Variants in PKD1 observed in about 807,000 individuals in gnomAD.
The protein encoded by PKD1 is polycystin-1.
In PKD1, 81 loss-of-function variants were observed where a neutral mutation model predicts 361.7. That is an observed-to-expected ratio of 0.22 (90% CI 0.19 to 0.27). The LOEUF is 0.27. PKD1 is among the 10% of genes least tolerant of loss of function. The pLI is 1.00. For missense variants in PKD1, 6,399 were observed against 6,118.3 expected, an observed-to-expected ratio of 1.05 and a Z score of -1.53; for synonymous variants, 3,615 against 2,818.3, an observed-to-expected ratio of 1.28 and a Z score of -8.95.
intron 8 of PKD1, 176 bp from the exon 9 acceptor site, chr16:2,116,294 G>C: frequency 2.7e-6 from 2 of 728,872 alleles, no homozygotes; most frequent in Non-Finnish European, 4.8e-6. Context: ...TCCATGGGGG[G>C]CAGGACCCCT....
Position 2,109,421 on chromosome 16 carries a change from C to G in PKD1, c.5746G>C (p.Ala1916Pro), listed in dbSNP as rs773527738. Residue 1916 changes from alanine to proline, a missense_variant, in exon 15 of 46, where the codon GCT (alanine) becomes CCT (proline). Physicochemically the swap from Ala to Pro is conservative, Grantham distance 27. Transcript: ENST00000262304. Reference sequence around the variant, plus strand: ...CCGACCTGCAGGCGGAAGGTGACAGCTGAGCCGGCAGCCAGCAGGATCTGA... The same window carrying G: ...CCGACCTGCAGGCGGAAGGTGACAGGTGAGCCGGCAGCCAGCAGGATCTGA... ...HFQILLAAGS[A>P]VTFRLQVGGA... is the part of the protein sequence containing the mutation. 39 of 1,602,716 alleles carry G rather than the reference C, an allele frequency of 2.4e-5. No homozygotes were observed. The highest frequency in any genetic ancestry group is 3.0e-5 in the Non-Finnish European group (35 of 1,179,208).
rs1456144463 is a variant in PKD1 at position 2,091,474 on chromosome 16, G to A, written c.11661C>T (p.Pro3887=). The part of the protein sequence containing the change: ...GRALAALSVR[P]FALRRLSAGL... The stretch of plus-strand genomic sequence containing the variant: ...CCGCGCTGAGGCGGCGCAGCGCAAA[G>A]GGGCGGACGCTGAGGGCGGCCAGGG... The change falls in exon 42 of 46, where the codon CCC becomes CCT. Residue 3887 remains proline, a synonymous_variant. Transcript: ENST00000262304. The A allele has an allele frequency of 3.3e-5, 45 of 1,344,874 alleles. No homozygotes were observed. The highest frequency in any genetic ancestry group is 3.9e-5 in the Non-Finnish European group (41 of 1,053,440). 83.3% of individuals were successfully genotyped at this position (1,344,874 alleles called of 1,614,324 possible). A position where few individuals can be genotyped will look rare whatever the true frequency, so the allele number is the denominator to read the frequency against.
intron 1 of PKD1, among the ~76,000 whole-genome samples, chr16:2,130,925 C>A (rs2092867833): frequency 6.6e-6 from 1 of 152,178 alleles, no homozygotes; most frequent in Non-Finnish European, 1.5e-5. Context: ...ACCCAGGTGA[C>A]CCCCAGCCAG....
In PKD1 at chr16:2,089,692, C is replaced by G. The variant is rs1275189794; in HGVS notation, c.*35G>C. 6.4e-7 allele frequency: 1 copy of G among 1,553,100 alleles called. No individual in the cohort carries two copies. Among genetic ancestry groups the G allele is most frequent in the Non-Finnish European group, 8.7e-7 (1 of 1,149,144 alleles). ...AAAGTAATACTGAGCGGTGTCCACT[C>G]CGACTCCACGGCCCACCCCCGCCAG... is the stretch of plus-strand genomic sequence containing the variant. On this transcript the variant is annotated 3_prime_UTR_variant, in exon 46 of 46. Coordinates refer to ENST00000262304, the MANE Select transcript of PKD1 (RefSeq NM_001009944.3).
Position 2,102,065 on chromosome 16 carries a change from G to C in PKD1, c.9393C>G (p.Gly3131=). The change falls in exon 26 of 46, where the codon GGC becomes GGG. Residue 3131 remains glycine (G), a synonymous_variant. Coordinates refer to ENST00000262304, the MANE Select transcript of PKD1 (RefSeq NM_001009944.3). ...CCACCCCGCTGCGCCCCTCACCTGA[G>C]CCCCGGCCCCAGCCTGTCTTGACGA... ...EILVKTGWGR[G]SGTTAHVGIM... 1 of 1,544,080 alleles carries C rather than the reference G, an allele frequency of 6.5e-7. No homozygotes were observed. Among genetic ancestry groups the C allele is most frequent in the Non-Finnish European group, 8.8e-7 (1 of 1,138,454 alleles).
rs1411844225 is a variant in PKD1, at chr16:2,112,247, G to A, written c.3295+93C>T. The A allele has an allele frequency of 4.0e-5, 44 of 1,109,626 alleles. No individual in the cohort carries two copies. In the Middle Eastern group the frequency reaches 2.6e-3, roughly 65 times the overall value. 68.7% of individuals were successfully genotyped at this position (1,109,626 alleles called of 1,614,324 possible). The stretch of plus-strand genomic sequence containing the variant: ...AGGTGAGGTCACAGTGAGGGCTGTT[G>A]GGGAGGAAGGGGGGCAGCTTGACTG... On this transcript the variant is annotated intron_variant, in intron 14 of 45. Transcript: ENST00000262304.
rs375653663 is a variant in PKD1 at position 2,090,503 on chromosome 16, G to T, written c.12226C>A (p.Pro4076Thr). The T allele has an allele frequency of 3.7e-6, 6 of 1,611,608 alleles. No homozygotes were observed. The South Asian group carries it at 6.6e-5, about 18-fold the overall frequency. ...CPGTGLSTLC[P>T]AESWHLSPLL... ...GGTGACAGGTGCCAGGACTCGGCAG[G>T]ACACAGGGTAGAGAGCCCAGTCCCA... The change falls in exon 45 of 46, where the codon CCT (proline) becomes ACT (threonine). Residue 4076 changes from proline to threonine, a missense_variant. Coordinates refer to ENST00000262304, the MANE Select transcript of PKD1 (RefSeq NM_001009944.3).
In PKD1 at chr16:2,099,189, T is replaced by TCC. The variant is rs1010681553; in HGVS notation, c.10050+453_10050+454dup. 3 of 343,870 alleles carry TCC rather than the reference T, an allele frequency of 8.7e-6. No individual in the cohort carries two copies. In the Admixed American group the frequency reaches 1.2e-4, roughly 14 times the overall value. 21.3% of individuals were successfully genotyped at this position (343,870 alleles called of 1,614,324 possible). ...TATGTTGCCCAGGCTGGTCTCAAAC[T>TCC]CCTGGACTCAGATCCGCCCACCTCG... On this transcript the variant is annotated intron_variant, in intron 30 of 45. Coordinates refer to ENST00000262304, the MANE Select transcript of PKD1 (RefSeq NM_001009944.3).
intron 43 of PKD1, 21 bp from the exon 44 acceptor site, chr16:2,090,829 T>C (rs977202240): frequency 5.6e-6 from 9 of 1,611,638 alleles, no homozygotes; most frequent in Non-Finnish European, 7.6e-6. Flanking sequence ...GAAATCTGTC[T>C]GCTTGCAGCC....
chr16:2,091,824 C>G lies in PKD1; in HGVS notation c.11494G>C (p.Asp3832His), dbSNP rs1443042809. Residue 3832 changes from aspartate to histidine, a missense_variant, in exon 41 of 46, where the codon GAC becomes CAC. Coordinates refer to ENST00000262304, the MANE Select transcript of PKD1 (RefSeq NM_001009944.3). ...TGCAGCTGCAGGAAGCGCAGCCGGTCGCGGCTCTCCTCCAGGCTCAGGCCC... is the reference window on the plus strand; with the variant it reads ...TGCAGCTGCAGGAAGCGCAGCCGGTGGCGGCTCTCCTCCAGGCTCAGGCCC... Reference protein sequence around the residue: ...ELGLSLEESRDRLRFLQLHNW... With the variant: ...ELGLSLEESRHRLRFLQLHNW... The G allele has an allele frequency of 3.1e-6, 5 of 1,610,038 alleles. No individual in the cohort carries two copies. Among genetic ancestry groups the G allele is most frequent in the Non-Finnish European group, 2.5e-6 (3 of 1,179,144 alleles).
At chr16:2,094,612 C>G in intron 34 of PKD1, 1 of 292,972 alleles carries the variant, frequency 3.4e-6, no homozygotes, top group African/African-American at 2.2e-5. Flanking sequence ...CTGTCCCATG[C>G]AGGTTTATGG....
intron 22 of PKD1, among the ~76,000 whole-genome samples, chr16:2,104,219 T>TAAGG (rs1567179269): frequency 7.6e-5 from 1 of 13,130 alleles, no homozygotes; most frequent in African/African-American, 7.3e-4. Flanking sequence ...GGAAGGGGGA[T>TAAGG]GAGGGGGATG....
chr16:2,095,590 G>C (rs964837463), intron 34 of PKD1, among the ~76,000 whole-genome samples: 1 of 152,232 alleles, frequency 6.6e-6, no homozygotes, highest in Non-Finnish European at 1.5e-5. Flanking sequence ...GAGGGTGCAG[G>C]CTCAGGCGCA....
chr16:2,091,386 G>C, intron 42 of PKD1, 37 bp downstream of exon 42: 2 of 1,079,844 alleles, frequency 1.9e-6, no homozygotes, highest in Non-Finnish European at 2.3e-6. Context: ...GGACGCTGCC[G>C]GTGGGAGGCG....
intron 9 of PKD1, 132 bp from the exon 10 acceptor site, chr16:2,115,757 C>A (rs2092622272): frequency 9.7e-7 from 1 of 1,032,682 alleles, no homozygotes; most frequent in Admixed American, 2.2e-5. Flanking sequence ...ACTCCCAGCC[C>A]AGTGCTGCGT....
At chr16:2,130,742 G>A (rs1200379617) in intron 1 of PKD1, among the ~76,000 whole-genome samples, 1 of 152,176 alleles carries the variant, frequency 6.6e-6, no homozygotes, top group East Asian at 1.9e-4. Flanking sequence ...CAGGGGCCCC[G>A]GGGTCTGCGC....
At position 2,114,158 on chromosome 16, in the gene PKD1, G is replaced by C. The variant is rs754492555; in HGVS notation, c.2853+12C>G. The C allele has an allele frequency of 1.2e-6, 2 of 1,601,248 alleles. No individual in the cohort carries two copies. The highest frequency in any genetic ancestry group is 2.2e-5 in the East Asian group (1 of 44,862). ...GCCTGGGGGCTGGTGGTGGAGCCTC[G>C]GCCATACTCACCACTAGGACTCCCT... On this transcript the variant is annotated intron_variant, in intron 11 of 45. Transcript: ENST00000262304.
Position 2,106,101 on chromosome 16 carries a change from C to T in PKD1, c.7693G>A (p.Ala2565Thr), listed in dbSNP as rs771883182. 56 of 1,604,214 alleles carry T rather than the reference C, an allele frequency of 3.5e-5. No individual in the cohort carries two copies. The highest frequency in any genetic ancestry group is 1.2e-4 in the African/African-American group (9 of 74,426). Residue 2565 changes from alanine (A) to threonine (T), a missense_variant, in exon 19 of 46, where the codon GCC becomes ACC. Ala to Thr is a moderately conservative substitution (Grantham distance 58). Transcript: ENST00000262304. This position sits in a 1 kb window ranked among gnomAD's most constrained non-coding sequence, Gnocchi z 6.5. The stretch of plus-strand genomic sequence containing the variant: ...CACGGCCTGGCTCACCTGTTGAGGG[C>T]GACCACAGCGGCTCCCAGCTGGTCC... The part of the protein sequence containing the change: ...VQDQLGAAVV[A>T]LNRSLAITLP...
In PKD1 at chr16:2,103,815, C is replaced by G. The variant is rs760502433; in HGVS notation, c.8242G>C (p.Val2748Leu). 4.4e-6 allele frequency: 7 copies of G among 1,608,870 alleles called. No homozygotes were observed. Among genetic ancestry groups the G allele is most frequent in the East Asian group, 4.5e-5 (2 of 44,662 alleles). Residue 2748 changes from valine to leucine, a missense_variant, in exon 23 of 46, where the codon GTG (valine) becomes CTG (leucine). Val to Leu is a conservative substitution (Grantham distance 32). Transcript: ENST00000262304. ...GTCAGGTTGTAGGCCTGGGACGCCACCATCCGAGATGGTGACTCGGCTCCC... is the reference window on the plus strand; with the variant it reads ...GTCAGGTTGTAGGCCTGGGACGCCAGCATCCGAGATGGTGACTCGGCTCCC... ...ELGAESPSRM[V>L]ASQAYNLTSA...
Sources: gnomAD v4.1 joint callset for allele counts (sites outside exome capture counted in the v4.1 genomes callset) on GRCh38, gnomAD v4.1.1 for gene constraint, Gnocchi (gnomAD v3.1) non-coding constraint, MANE v1.5 for transcripts, NCBI Gene and HGNC (gene_info 2026-07-23, HGNC 2026-07-21) for gene names.